Variants in TMEM244 observed in about 807,000 individuals in gnomAD.
TMEM244 encodes transmembrane protein 244.
Under a neutral mutation model 15.8 loss-of-function variants are expected in TMEM244, and 13 were observed. The ratio of observed to expected loss-of-function variants is 0.82; its 90% confidence interval spans 0.53 to 1.30. TMEM244 has a LOEUF of 1.30. Among genes scored for constraint, TMEM244 ranks in the 50% most tolerant of loss-of-function variants. The pLI, the probability that TMEM244 is intolerant of heterozygous loss-of-function variation, is 0.00. For synonymous variants in TMEM244, 45 were observed against 48.7 expected (o/e 0.92, Z 0.32); for missense variants, 161 against 144.9 (o/e 1.11, Z -0.57).
chr6:129,851,164 A>T (rs9402187), intron 1 of TMEM244, among the ~76,000 whole-genome samples: 1 of 151,998 alleles, frequency 6.6e-6, no homozygotes, highest in Non-Finnish European at 1.5e-5. Flanking sequence ...TGTGGCCTAT[A>T]TGTGGCAGGG....
In TMEM244 at chr6:129,857,607, G is replaced by A. The variant is rs927534459; in HGVS notation, c.33+3549C>T. ...ACTCCTGACCTCAGGTGATCCACCC[G>A]CCTTGGCCTCCCAAAGTGTTGGGAT... On this transcript the variant is annotated intron_variant, in intron 1 of 4. Coordinates refer to ENST00000368143, the MANE Select transcript of TMEM244 (RefSeq NM_001010876.2). 1.1e-4 allele frequency among the ~76,000 whole-genome samples: 16 copies of A among 152,050 alleles called. 1 individual carries two copies. The highest frequency in any genetic ancestry group is 2.1e-4 in the Non-Finnish European group (14 of 67,986).
intron 1 of TMEM244, among the ~76,000 whole-genome samples, chr6:129,853,026 A>T (rs1776655920): frequency 1.3e-5 from 2 of 152,218 alleles, no homozygotes; most frequent in Admixed American, 1.3e-4. Context: ...GAGCACCCAC[A>T]GCATTGAATG....
At chr6:129,857,924 C>T (rs1303059689) in intron 1 of TMEM244, among the ~76,000 whole-genome samples, 1 of 151,442 alleles carries the variant, frequency 6.6e-6, no homozygotes, top group African/African-American at 2.4e-5. Flanking sequence ...AGGAGTGGTT[C>T]AGGAACGGTT....
At chr6:129,833,382 G>A in intron 4 of TMEM244, 78 bp downstream of exon 4, 1 of 1,471,402 alleles carries the variant, frequency 6.8e-7, no homozygotes, top group Non-Finnish European at 9.1e-7. Flanking sequence ...AGACAACAAA[G>A]TTCTACTCAG....
At chr6:129,840,332 G>T (rs904612161) in intron 3 of TMEM244, among the ~76,000 whole-genome samples, 1 of 152,158 alleles carries the variant, frequency 6.6e-6, no homozygotes, top group Admixed American at 6.5e-5. Context: ...AATGGGGAAA[G>T]GATTCCCTAT....
At chr6:129,835,171 G>A (rs939101694) in intron 3 of TMEM244, among the ~76,000 whole-genome samples, 2 of 152,106 alleles carry the variant, frequency 1.3e-5, no homozygotes, top group Non-Finnish European at 2.9e-5. Flanking sequence ...CGAGGTGGGA[G>A]CATCACTTGA....
At chr6:129,844,214 G>A (rs1238327167) in intron 2 of TMEM244, among the ~76,000 whole-genome samples, 1 of 152,156 alleles carries the variant, frequency 6.6e-6, no homozygotes, top group Non-Finnish European at 1.5e-5. Context: ...TTGGATGACA[G>A]CCAAATAACA....
intron 1 of TMEM244, among the ~76,000 whole-genome samples, chr6:129,856,312 G>A (rs1473283441): frequency 6.6e-6 from 1 of 151,952 alleles, no homozygotes; most frequent in Non-Finnish European, 1.5e-5. Flanking sequence ...ATACACTTTT[G>A]TCTATTTGTG....
intron 1 of TMEM244, among the ~76,000 whole-genome samples, chr6:129,855,089 T>C (rs1776686720): frequency 6.6e-6 from 1 of 152,180 alleles, no homozygotes; most frequent in African/African-American, 2.4e-5. Context: ...AGGCCTGTCC[T>C]AGTATTTCCC....
Position 129,843,541 on chromosome 6 carries a change from A to T in TMEM244, c.182T>A (p.Ile61Lys). 6.2e-7 allele frequency: 1 copy of T among 1,609,956 alleles called. No homozygotes were observed. Among genetic ancestry groups the T allele is most frequent in the Non-Finnish European group, 8.5e-7 (1 of 1,176,656 alleles). The change falls in exon 3 of 5, where the codon ATA becomes AAA. Residue 61 changes from isoleucine to lysine, a missense_variant. Ile to Lys is a moderately radical substitution (Grantham distance 102). Coordinates refer to ENST00000368143, the MANE Select transcript of TMEM244 (RefSeq NM_001010876.2). ...ATTAAAACAATTACCTTTATAGTTT[A>T]TGTTGAGCCATGAGGGATTTGTTTT... The part of the protein sequence containing the change: ...DFKTNPSWLN[I>K]NYKVLLVSTE...
chr6:129,849,541 C>CTT (rs1432057632), intron 1 of TMEM244, among the ~76,000 whole-genome samples: 27 of 152,080 alleles, frequency 1.8e-4, no homozygotes, highest in African/African-American at 5.8e-4. Context: ...TGGATGTGGT[C>CTT]CAAGCCGTAG....
chr6:129,836,492 A>T (rs1291243504), intron 3 of TMEM244, among the ~76,000 whole-genome samples: 1 of 152,216 alleles, frequency 6.6e-6, no homozygotes, highest in Non-Finnish European at 1.5e-5. Flanking sequence ...TGAAAATTTT[A>T]AAAAACAGAG....
intron 1 of TMEM244, among the ~76,000 whole-genome samples, chr6:129,859,907 A>G (rs1294120527): frequency 6.6e-6 from 1 of 152,208 alleles, no homozygotes; most frequent in African/African-American, 2.4e-5. Context: ...ATTGACAGTG[A>G]ACAAGCACTT....
At chr6:129,833,724 A>C (rs1052449725) in intron 3 of TMEM244, 139 bp from the exon 4 acceptor site, 3 of 825,614 alleles carry the variant, frequency 3.6e-6, no homozygotes, top group East Asian at 2.7e-5. Context: ...TTTCCTAACA[A>C]TCCTCAAATT....
intron 3 of TMEM244, among the ~76,000 whole-genome samples, chr6:129,842,329 G>T (rs1776502733): frequency 6.6e-6 from 1 of 152,136 alleles, no homozygotes; most frequent in Admixed American, 6.6e-5. Context: ...CTAGGGAAGT[G>T]CCTGAAAGAA....
chr6:129,836,278 G>C (rs112175768), intron 3 of TMEM244, among the ~76,000 whole-genome samples: 5 of 152,172 alleles, frequency 3.3e-5, no homozygotes, highest in South Asian at 4.2e-4. Flanking sequence ...AGGCAAACAG[G>C]GTCTGGAGTG....
At chr6:129,837,867 G>A (rs1469177367) in intron 3 of TMEM244, among the ~76,000 whole-genome samples, 4 of 152,204 alleles carry the variant, frequency 2.6e-5, no homozygotes, top group African/African-American at 7.2e-5. Context: ...AACAAGAAGA[G>A]CTAACCATCC....
chr6:129,850,402 T>C (rs1776622025), intron 1 of TMEM244, among the ~76,000 whole-genome samples: 1 of 151,980 alleles, frequency 6.6e-6, no homozygotes, highest in African/African-American at 2.4e-5. Context: ...GGATTTGCAA[T>C]GGAAATGGAG....
intron 1 of TMEM244, among the ~76,000 whole-genome samples, chr6:129,851,583 T>G (rs1470994356): frequency 1.3e-5 from 2 of 152,198 alleles, no homozygotes; most frequent in Non-Finnish European, 2.9e-5. Context: ...ATAATCAATT[T>G]TAGTTCAACA....
Sources: allele counts gnomAD v4.1 joint callset (sites outside exome capture counted in the v4.1 genomes callset), GRCh38; gene constraint gnomAD v4.1.1; transcripts MANE v1.5; gene names NCBI Gene and HGNC (gene_info 2026-07-23, HGNC 2026-07-21).